Variants in MAP3K13 observed in about 807,000 individuals in gnomAD.
MAP3K13 encodes the protein mitogen-activated protein kinase kinase kinase 13.
In MAP3K13, 52 loss-of-function variants were observed where a neutral mutation model predicts 104.0. The observed-to-expected ratio is 0.50, with a 90% CI of 0.40 to 0.63. The LOEUF (loss-of-function observed/expected upper bound fraction) is 0.63, where lower values mean the gene tolerates loss of function less well. Among genes scored for constraint, MAP3K13 ranks in the 20% least tolerant of loss-of-function variants. The pLI, the probability that MAP3K13 is intolerant of heterozygous loss-of-function variation, is 0.00. For synonymous variants in MAP3K13, 394 were observed against 442.2 expected, an observed-to-expected ratio of 0.89 and a Z score of 1.37; for missense variants, 914 against 1,218.5, an observed-to-expected ratio of 0.75 and a Z score of 3.72.
chr3:185,437,701 T>C (rs1164736535), intron 3 of MAP3K13, 71 bp downstream of exon 3: 6 of 1,407,916 alleles, frequency 4.3e-6, no homozygotes, highest in African/African-American at 1.4e-5. Flanking sequence ...CACAAGTTTC[T>C]GCTTTGAGAG....
rs912857515 is a variant in MAP3K13 at position 185,363,167 on chromosome 3, A to G, written c.-287A>G. The G allele has an allele frequency of 3.0e-6, 3 of 985,104 alleles. No individual in the cohort carries two copies. Among genetic ancestry groups the G allele is most frequent in the Non-Finnish European group, 3.6e-6 (3 of 829,900 alleles). The allele number at this position is 985,104 out of a possible 1,614,324, so 61.0% of individuals were successfully genotyped here. On this transcript the variant is annotated 5_prime_UTR_variant, in exon 1 of 14. Transcript: ENST00000265026. ...CACACCACAGCGAAGTCTGTGCGGA[A>G]TCCTAAACCAGCCCAATTTACATCC...
intron 2 of MAP3K13, among the ~76,000 whole-genome samples, chr3:185,429,860 C>G (rs1289445423): frequency 2.6e-5 from 4 of 152,040 alleles, no homozygotes; most frequent in African/African-American, 9.7e-5. Context: ...AAATATCTAA[C>G]CAATCTTGAG....
In MAP3K13 at chr3:185,487,619, C is replaced by T. The variant is rs760920260; in HGVS notation, c.*5163C>T. The T allele has an allele frequency of 3.3e-5, 5 of 151,994 alleles. No individual in the cohort carries two copies. Among genetic ancestry groups the T allele is most frequent in the Admixed American group, 6.5e-5 (1 of 15,272 alleles). The allele number at this position is 151,994 out of a possible 1,614,324, so 9.4% of individuals were successfully genotyped here. On this transcript the variant is annotated 3_prime_UTR_variant, in exon 14 of 14. Transcript: ENST00000265026. ...TTTTCTTAAAACAGTCCCACTTGAA[C>T]TTCCTGGAACTGAATTCTCCAGAAC...
chr3:185,363,922 G>T (rs1019688887), intron 1 of MAP3K13, among the ~76,000 whole-genome samples: 2 of 152,220 alleles, frequency 1.3e-5, no homozygotes, highest in African/African-American at 4.8e-5. Flanking sequence ...GGGAGCCATA[G>T]TGGTGTATTT....
At chr3:185,395,015 C>T (rs1350081539) in intron 1 of MAP3K13, among the ~76,000 whole-genome samples, 1 of 152,148 alleles carries the variant, frequency 6.6e-6, no homozygotes, top group African/African-American at 2.4e-5. Flanking sequence ...AAAGTTTTTG[C>T]ATGCCAACTT....
At chr3:185,461,155 C>G (rs1053285150) in intron 7 of MAP3K13, among the ~76,000 whole-genome samples, 9 of 152,180 alleles carry the variant, frequency 5.9e-5, no homozygotes, top group African/African-American at 2.2e-4. Context: ...TCGTTTACAG[C>G]TTAGATGCTG....
intron 1 of MAP3K13, among the ~76,000 whole-genome samples, chr3:185,397,882 G>GCCTGC (rs1712522165): frequency 6.6e-6 from 1 of 152,128 alleles, no homozygotes; most frequent in East Asian, 1.9e-4. Flanking sequence ...CTGGAGCGGA[G>GCCTGC]CCTGCCCATA....
chr3:185,428,459 G>C (rs1357405056), intron 1 of MAP3K13, 38 bp from the exon 2 acceptor site: 1 of 1,333,282 alleles, frequency 7.5e-7, no homozygotes, highest in Non-Finnish European at 1.0e-6. Context: ...GCATACTAAA[G>C]AAAGGATGAT....
intron 2 of MAP3K13, among the ~76,000 whole-genome samples, chr3:185,330,135 T>C (rs2108705877): frequency 6.8e-6 from 1 of 146,744 alleles, no homozygotes; most frequent in East Asian, 2.1e-4. Context: ...TCTCCTGACC[T>C]CGTGATCCAC....
chr3:185,455,403 T>TATATATG lies in MAP3K13; in HGVS notation c.1278+4014_1278+4015insGATATAT, dbSNP rs1560119427. 7.5e-4 allele frequency among the ~76,000 whole-genome samples: 67 copies of TATATATG among 89,926 alleles called. 2 individuals carry two copies. The highest frequency in any genetic ancestry group is 2.5e-3 in the African/African-American group (62 of 24,596). The allele number at this position is 89,926 out of a possible 152,430, so 59.0% of individuals were successfully genotyped here. ...TATGATATATATATCATATATGAGATATATATATGAGATATATATGATATA... is the reference window on the plus strand; with the variant it reads ...TATGATATATATATCATATATGAGATATATATGATATATATGAGATATATATGATATA... On this transcript the variant is annotated intron_variant, in intron 7 of 13. Coordinates refer to ENST00000265026, the MANE Select transcript of MAP3K13 (RefSeq NM_004721.5).
In MAP3K13 at chr3:185,418,512, C is replaced by A; in HGVS notation, c.-85-9985C>A. The A allele has an allele frequency of 1.2e-6, 2 of 1,612,062 alleles. No individual in the cohort carries two copies. Among genetic ancestry groups the A allele is most frequent in the Non-Finnish European group, 1.7e-6 (2 of 1,179,858 alleles). The stretch of plus-strand genomic sequence containing the variant: ...CACGACACATGTTTCCAAAAGCACC[C>A]TGGCCAGAGCGGTGAGTCCCACCAC... On this transcript the variant is annotated intron_variant, in intron 1 of 13. Transcript: ENST00000265026. The surrounding 1 kb of genome is among the most constrained non-coding windows in gnomAD (Gnocchi z 4.5).
At chr3:185,447,494 C>CAA (rs1178155454) in intron 4 of MAP3K13, among the ~76,000 whole-genome samples, 954 of 28,380 alleles carry the variant, frequency 0.034, 106 homozygotes, top group East Asian at 0.12. Context: ...AACTCTGTCT[C>CAA]AAAAAAAAAA....
At chr3:185,297,359 TCTC>T (rs1344222654) in intron 2 of MAP3K13, among the ~76,000 whole-genome samples, 1 of 152,188 alleles carries the variant, frequency 6.6e-6, no homozygotes, top group Non-Finnish European at 1.5e-5. Flanking sequence ...TACCCCAGTT[TCTC>T]CTCCTCTAAT....
chr3:185,291,348 G>T (rs1720730206), intron 2 of MAP3K13, among the ~76,000 whole-genome samples: 1 of 152,140 alleles, frequency 6.6e-6, no homozygotes, highest in African/African-American at 2.4e-5. Flanking sequence ...GGGAGATTCT[G>T]TAAGAACTTT....
In MAP3K13 at chr3:185,482,259, C is replaced by G; in HGVS notation, c.2800-96C>G. 1 of 868,872 alleles carries G rather than the reference C, an allele frequency of 1.2e-6. No homozygotes were observed. Among genetic ancestry groups the G allele is most frequent in the Non-Finnish European group, 1.9e-6 (1 of 516,668 alleles). The allele number at this position is 868,872 out of a possible 1,614,324, so 53.8% of individuals were successfully genotyped here. On this transcript the variant is annotated intron_variant, in intron 13 of 13. Transcript: ENST00000265026. The surrounding 1 kb of genome is among the most constrained non-coding windows in gnomAD (Gnocchi z 4.5). ...CTGGTCTCGTTTACCTTTGTAGCCC[C>G]CTTACCAAGCACAGTGCCTGTTGTG...
chr3:185,420,308 G>A (rs972750076), intron 1 of MAP3K13, among the ~76,000 whole-genome samples: 6 of 152,180 alleles, frequency 3.9e-5, no homozygotes. Context: ...CTGATTTGAA[G>A]TCACATACTT....
At chr3:185,413,275 A>G (rs1713551380) in intron 1 of MAP3K13, among the ~76,000 whole-genome samples, 1 of 152,214 alleles carries the variant, frequency 6.6e-6, no homozygotes, top group Non-Finnish European at 1.5e-5. Flanking sequence ...TCCTTACAAC[A>G]GACCAATCTA....
At chr3:185,463,248 T>C (rs1330897146) in intron 7 of MAP3K13, among the ~76,000 whole-genome samples, 1 of 152,194 alleles carries the variant, frequency 6.6e-6, no homozygotes, top group Non-Finnish European at 1.5e-5. Flanking sequence ...AGTGAACTCT[T>C]TTATTCCAAA....
intron 1 of MAP3K13, among the ~76,000 whole-genome samples, chr3:185,374,679 T>G (rs115068212): frequency 1.4e-3 from 211 of 151,982 alleles, no homozygotes; most frequent in Middle Eastern, 3.4e-3. Context: ...TATCTTTGAG[T>G]TTTTTTTAAT....
Sources: gnomAD v4.1 joint callset for allele counts (sites outside exome capture counted in the v4.1 genomes callset) on GRCh38, gnomAD v4.1.1 for gene constraint, Gnocchi (gnomAD v3.1) non-coding constraint, MANE v1.5 for transcripts, NCBI Gene and HGNC (gene_info 2026-07-23, HGNC 2026-07-21) for gene names.